Variants in COL5A1 observed in about 807,000 individuals in gnomAD.
COL5A1 encodes collagen alpha-1(V) chain.
In COL5A1, 16 loss-of-function variants were observed where a neutral mutation model predicts 263.7. The observed-to-expected ratio is 0.06, with a 90% CI of 0.04 to 0.09. The LOEUF is 0.09. Ranked by LOEUF, COL5A1 falls within the 10% of genes least tolerant of loss-of-function variation. COL5A1 has a pLI of 1.00. For missense variants in COL5A1, 2,036 were observed against 2,540.5 expected (o/e 0.80, Z 4.27); for synonymous variants, 1,012 against 1,004.5 (o/e 1.01, Z -0.14).
In COL5A1 at chr9:134,680,129, G is replaced by T. The variant is rs1033493675; in HGVS notation, c.110-10783G>T. Among the ~76,000 whole-genome samples the T allele has an allele frequency of 6.6e-6, 1 of 152,176 alleles. No homozygotes were observed. Among genetic ancestry groups the T allele is most frequent in the African/African-American group, 2.4e-5 (1 of 41,432 alleles). ...GGAAGGACTACCCCGGAGGCCCTTT[G>T]GACGGGCCCTTCATTCTTCAGCAAG... is the stretch of plus-strand genomic sequence containing the variant. On this transcript the variant is annotated intron_variant, in intron 1 of 65. Transcript: ENST00000371817. This position sits in a 1 kb window ranked among gnomAD's most constrained non-coding sequence, Gnocchi z 5.9.
chr9:134,642,321 C>A lies in COL5A1; in HGVS notation c.109+25C>A. 1 of 735,376 alleles carries A rather than the reference C, an allele frequency of 1.4e-6. No homozygotes were observed. The highest frequency in any genetic ancestry group is 1.8e-6 in the Non-Finnish European group (1 of 560,028). The allele number at this position is 735,376 out of a possible 1,614,324, so 45.6% of individuals were successfully genotyped here. A position where few individuals can be genotyped will look rare whatever the true frequency, so the allele number is the denominator to read the frequency against. ...GGTAAGGGCGCCCCGGGGCGCGGGGCTGCGGGATGGGGCGCGCGCAGCCCG... is the reference window on the plus strand; with the variant it reads ...GGTAAGGGCGCCCCGGGGCGCGGGGATGCGGGATGGGGCGCGCGCAGCCCG... On this transcript the variant is annotated intron_variant, in intron 1 of 65. Transcript: ENST00000371817. The surrounding 1 kb of genome is among the most constrained non-coding windows in gnomAD (Gnocchi z 4.5).
At chr9:134,835,444 G>A (rs1408139459) in intron 65 of COL5A1, among the ~76,000 whole-genome samples, 1 of 152,226 alleles carries the variant, frequency 6.6e-6, no homozygotes, top group African/African-American at 2.4e-5. Context: ...CTGAGACCTG[G>A]CCGGAAAAGC....
chr9:134,651,753 A>T (rs1244945962), intron 1 of COL5A1, among the ~76,000 whole-genome samples: 1 of 152,236 alleles, frequency 6.6e-6, no homozygotes, highest in Non-Finnish European at 1.5e-5. Context: ...GGCGCGGGAC[A>T]GAGGGGCCCC....
chr9:134,756,474 C>T (rs1408133369), intron 16 of COL5A1, among the ~76,000 whole-genome samples: 5 of 152,238 alleles, frequency 3.3e-5, no homozygotes, highest in Admixed American at 6.5e-5. Flanking sequence ...CACATTGTGG[C>T]GTCTTCTCGA....
At position 134,642,915 on chromosome 9, in the gene COL5A1, TA is replaced by T. The variant is rs1160850940; in HGVS notation, c.109+621del. Reference sequence around the variant, plus strand: ...GCAGGGTGGTAGACAGCCCTGCTCCTAATCCCACCCCCAAACTTCTTGATCC... The same window carrying T: ...GCAGGGTGGTAGACAGCCCTGCTCCTATCCCACCCCCAAACTTCTTGATCC... On this transcript the variant is annotated intron_variant, in intron 1 of 65. Transcript: ENST00000371817. This position sits in a 1 kb window ranked among gnomAD's most constrained non-coding sequence, Gnocchi z 4.5. Among the ~76,000 whole-genome samples, 4 of 152,238 alleles carry T rather than the reference TA, an allele frequency of 2.6e-5. No homozygotes were observed. Among genetic ancestry groups the T allele is most frequent in the African/African-American group, 9.6e-5 (4 of 41,474 alleles).
chr9:134,820,703 G>T (rs567948973), intron 58 of COL5A1, among the ~76,000 whole-genome samples: 9 of 152,300 alleles, frequency 5.9e-5, no homozygotes, highest in Non-Finnish European at 1.0e-4. Flanking sequence ...CCATAGCCAA[G>T]GAAACGCCAT....
intron 1 of COL5A1, among the ~76,000 whole-genome samples, chr9:134,673,394 A>G (rs934438743): frequency 4.0e-5 from 6 of 151,150 alleles, no homozygotes; most frequent in African/African-American, 1.5e-4. Context: ...AAGTGCTAAG[A>G]TGCTGCAGTG....
chr9:134,839,016 G>A (rs1281538376), intron 65 of COL5A1, among the ~76,000 whole-genome samples: 1 of 152,244 alleles, frequency 6.6e-6, no homozygotes, highest in Non-Finnish European at 1.5e-5. Context: ...AATTACGGAG[G>A]CTGCTGCAGG....
At position 134,765,684 on chromosome 9, in the gene COL5A1, C is replaced by A. The variant is rs376920171; in HGVS notation, c.2038C>A (p.Pro680Thr). ...TATTTTCCCTTTCCTCTTACAGGGGCCACGTGGTCTGCTTGGGCCGAAGGG... is the reference window on the plus strand; with the variant it reads ...TATTTTCCCTTTCCTCTTACAGGGGACACGTGGTCTGCTTGGGCCGAAGGG... ...GPRGLPGEPG[P>T]RGLLGPKGPP... is the part of the protein sequence containing the mutation. The change falls in exon 21 of 66, where the codon CCA becomes ACA. Residue 680 changes from proline to threonine, a missense_variant. Pro to Thr is a conservative substitution (Grantham distance 38). Coordinates refer to ENST00000371817, the MANE Select transcript of COL5A1 (RefSeq NM_000093.5). This position sits in a 1 kb window ranked among gnomAD's most constrained non-coding sequence, Gnocchi z 5.1. 27 of 1,613,346 alleles carry A rather than the reference C, an allele frequency of 1.7e-5. No individual in the cohort carries two copies. The South Asian group carries it at 2.9e-4, about 17-fold the overall frequency.
chr9:134,691,373 C>T lies in COL5A1; in HGVS notation c.277+294C>T, dbSNP rs76266800. On this transcript the variant is annotated intron_variant, in intron 2 of 65. Transcript: ENST00000371817. The stretch of plus-strand genomic sequence containing the variant: ...GCTGTGTCTCTGGTGGTAGCTGGGC[C>T]GCCAGGACTCCAAGGGCAGAAAGAG... 3.2e-3 allele frequency among the ~76,000 whole-genome samples: 483 copies of T among 152,232 alleles called. 5 individuals carry two copies. The highest frequency in any genetic ancestry group is 0.011 in the African/African-American group (452 of 41,528).
rs1243519195 is a variant in COL5A1 at position 134,834,993 on chromosome 9, G to A, written c.5159G>A (p.Gly1720Asp). Residue 1720 changes from glycine (G) to aspartate (D), a missense_variant, in exon 65 of 66, where the codon GGC (glycine) becomes GAC (aspartate). Coordinates refer to ENST00000371817, the MANE Select transcript of COL5A1 (RefSeq NM_000093.5). Reference protein sequence around the residue: ...GKLLSYVDAEGNPVGVVQMTF... With the variant: ...GKLLSYVDAEDNPVGVVQMTF... The stretch of plus-strand genomic sequence containing the variant: ...CAGCTCTCCTATGTGGACGCCGAGG[G>A]CAACCCTGTGGGTGTGGTACAGATG... 3.1e-6 allele frequency: 5 copies of A among 1,613,518 alleles called. No homozygotes were observed. Among genetic ancestry groups the A allele is most frequent in the African/African-American group, 1.3e-5 (1 of 74,926 alleles).
intron 19 of COL5A1, among the ~76,000 whole-genome samples, chr9:134,763,213 G>A (rs112254023): frequency 5.8e-4 from 88 of 152,308 alleles, no homozygotes; most frequent in South Asian, 6.2e-4. Context: ...CAAACAGCCC[G>A]TGGGTTGAAG....
intron 13 of COL5A1, among the ~76,000 whole-genome samples, chr9:134,752,145 G>T (rs942271564): frequency 6.6e-6 from 1 of 152,216 alleles, no homozygotes; most frequent in African/African-American, 2.4e-5. Flanking sequence ...TTCCCCAGTG[G>T]CTGGGAGTGC....
intron 1 of COL5A1, among the ~76,000 whole-genome samples, chr9:134,655,322 G>T (rs1831923600): frequency 6.6e-6 from 1 of 151,948 alleles, no homozygotes; most frequent in Admixed American, 6.5e-5. Flanking sequence ...CCCGAGGGAG[G>T]CGGAGGTGGA....
Position 134,750,868 on chromosome 9 carries a change from C to G in COL5A1, c.1648C>G (p.Leu550Val). The change falls in exon 13 of 66, where the codon CTC becomes GTC. Residue 550 changes from leucine (L) to valine (V), a missense_variant. By Grantham distance (32) the Leu-to-Val change is conservative. Around this residue, in one of 3 missense-constraint regions of COL5A1, gnomAD observed 1,078 missense variants for 1,521.4 expected, o/e 0.71. Transcript: ENST00000371817. ...CCAGGAGTCCCAGGCGCAAGCCATT[C>G]TCCAGCAGGCCAGGGTGAGTACTGC... ...SAQESQAQAI[L>V]QQARLALRGP... 1 of 1,613,184 alleles carries G rather than the reference C, an allele frequency of 6.2e-7. No individual in the cohort carries two copies. The highest frequency in any genetic ancestry group is 8.5e-7 in the Non-Finnish European group (1 of 1,179,950).
chr9:134,763,300 C>T lies in COL5A1; in HGVS notation c.1990-393C>T, dbSNP rs1038924122. Among the ~76,000 whole-genome samples the T allele has an allele frequency of 4.6e-5, 7 of 152,214 alleles. No individual in the cohort carries two copies. The East Asian group carries it at 5.8e-4, about 13-fold the overall frequency. ...GTACTTTCCAGGCTGTTTAGGACCC[C>T]GGCAGGGACACCTGGTTCCCCAGAG... On this transcript the variant is annotated intron_variant, in intron 19 of 65. Transcript: ENST00000371817.
chr9:134,810,494 A>G, intron 44 of COL5A1, 186 bp downstream of exon 44: 2 of 605,822 alleles, frequency 3.3e-6, no homozygotes, highest in East Asian at 2.8e-5. Flanking sequence ...CATATCTGGG[A>G]GTGAGTCTCT....
chr9:134,718,424 A>G (rs1415847907), intron 4 of COL5A1, among the ~76,000 whole-genome samples: 1 of 152,222 alleles, frequency 6.6e-6, no homozygotes, highest in Non-Finnish European at 1.5e-5. Flanking sequence ...GGATGGCATG[A>G]AAACAGCTGC....
At position 134,682,740 on chromosome 9, in the gene COL5A1, G is replaced by A. The variant is rs750959083; in HGVS notation, c.110-8172G>A. 1.3e-5 allele frequency among the ~76,000 whole-genome samples: 2 copies of A among 152,184 alleles called. No homozygotes were observed. Among genetic ancestry groups the A allele is most frequent in the Non-Finnish European group, 2.9e-5 (2 of 68,038 alleles). On this transcript the variant is annotated intron_variant, in intron 1 of 65. Transcript: ENST00000371817. The surrounding 1 kb of genome is among the most constrained non-coding windows in gnomAD (Gnocchi z 5.1). Reference sequence around the variant, plus strand: ...CCCAAGTGACCACGAGTGACCAGGTGGAATCTGCTGGTGTGTTGTGGTTCT... The same window carrying A: ...CCCAAGTGACCACGAGTGACCAGGTAGAATCTGCTGGTGTGTTGTGGTTCT...
Sources: gnomAD v4.1 joint callset for allele counts (sites outside exome capture counted in the v4.1 genomes callset) on GRCh38, gnomAD v4.1.1 for gene constraint, gnomAD v4.1.1 regional missense constraint, Gnocchi (gnomAD v3.1) non-coding constraint, MANE v1.5 for transcripts, NCBI Gene and HGNC (gene_info 2026-07-23, HGNC 2026-07-21) for gene names.